Variants in EVA1C observed in about 807,000 individuals in gnomAD.
EVA1C encodes the protein eva-1 homolog C, also known as protein eva-1 homolog C.
In EVA1C, 25 loss-of-function variants were observed where a neutral mutation model predicts 45.4. The observed-to-expected ratio is 0.55, with a 90% CI of 0.40 to 0.77. The LOEUF (loss-of-function observed/expected upper bound fraction) is 0.77. Ranked by LOEUF, EVA1C falls within the 30% of genes least tolerant of loss-of-function variation. The pLI is 0.00. For synonymous variants in EVA1C, 190 were observed against 221.2 expected (o/e 0.86, Z 1.25); for missense variants, 479 against 554.8 (o/e 0.86, Z 1.37).
At chr21:32,460,749 G>T (rs547041370) in intron 3 of EVA1C, among the ~76,000 whole-genome samples, 1 of 119,898 alleles carries the variant, frequency 8.3e-6, no homozygotes, top group Non-Finnish European at 1.7e-5. Flanking sequence ...GCAGCTCACA[G>T]AAGAATCTTT....
At chr21:32,448,681 G>A (rs1446726122) in intron 1 of EVA1C, among the ~76,000 whole-genome samples, 5 of 152,068 alleles carry the variant, frequency 3.3e-5, no homozygotes, top group African/African-American at 1.2e-4. Context: ...GGCTGAGGCG[G>A]GCAGATCACG....
chr21:32,486,477 C>T (rs1467873613), intron 4 of EVA1C, among the ~76,000 whole-genome samples: 1 of 152,104 alleles, frequency 6.6e-6, no homozygotes, highest in Non-Finnish European at 1.5e-5. Context: ...AAGTTTTTAC[C>T]AGGTATTACT....
Position 32,515,139 on chromosome 21 carries a change from G to C in EVA1C, c.1275G>C (p.Met425Ile). 1 of 1,612,878 alleles carries C rather than the reference G, an allele frequency of 6.2e-7. No individual in the cohort carries two copies. Among genetic ancestry groups the C allele is most frequent in the Non-Finnish European group, 8.5e-7 (1 of 1,179,172 alleles). ...AGCAAATCATTCAGGAAATATGGAT[G>C]AACAGTGGTTTGGACACCTCGCTCC... ...RREQIIQEIW[M>I]NSGLDTSLPR... is the part of the protein sequence containing the mutation. The change falls in exon 8 of 8, where the codon ATG becomes ATC. Residue 425 changes from methionine to isoleucine, a missense_variant. This residue lies in a region of EVA1C where 366 missense variants were observed against 426.1 expected (regional missense o/e 0.86). Transcript: ENST00000300255.
chr21:32,418,867 A>G (rs982592397), intron 1 of EVA1C, among the ~76,000 whole-genome samples: 1 of 152,200 alleles, frequency 6.6e-6, no homozygotes, highest in Non-Finnish European at 1.5e-5. Flanking sequence ...TCCCATCAGC[A>G]TCATTTCATC....
At chr21:32,467,933 C>A in intron 4 of EVA1C, 85 bp downstream of exon 4, 2 of 876,710 alleles carry the variant, frequency 2.3e-6, no homozygotes, top group Non-Finnish European at 1.5e-6. Context: ...CTATATATAT[C>A]CTATATGATT....
rs187691448 is a variant in EVA1C at position 32,463,871 on chromosome 21, T to C, written c.482-3825T>C. 6.3e-3 allele frequency among the ~76,000 whole-genome samples: 963 copies of C among 152,342 alleles called. 16 individuals carry two copies. The highest frequency in any genetic ancestry group is 0.036 in the Admixed American group (546 of 15,302). On this transcript the variant is annotated intron_variant, in intron 3 of 7. Transcript: ENST00000300255. The stretch of plus-strand genomic sequence containing the variant: ...TTGTCCTGCCTTCTCCCATCCTCTT[T>C]CTGTGCCAGCTCTGCCATGGGAAGG...
intron 1 of EVA1C, among the ~76,000 whole-genome samples, chr21:32,431,123 C>T (rs967227420): frequency 6.6e-6 from 1 of 152,214 alleles, no homozygotes; most frequent in Non-Finnish European, 1.5e-5. Context: ...GGTGGGGACA[C>T]AGCCACACCA....
At chr21:32,513,712 A>G (rs1419488009) in intron 7 of EVA1C, among the ~76,000 whole-genome samples, 1 of 151,018 alleles carries the variant, frequency 6.6e-6, no homozygotes, top group African/African-American at 2.4e-5. Flanking sequence ...ATATTTTGGT[A>G]TTTTTTTAAA....
chr21:32,413,454 G>A (rs536693074), intron 1 of EVA1C, among the ~76,000 whole-genome samples: 17 of 152,226 alleles, frequency 1.1e-4, no homozygotes, highest in Non-Finnish European at 2.5e-4. Flanking sequence ...TTGACCTCGA[G>A]TCCACATTGG....
intron 3 of EVA1C, among the ~76,000 whole-genome samples, chr21:32,460,756 C>CTTTTTTTTTTTTT (rs3056330): frequency 6.7e-6 from 1 of 149,768 alleles, no homozygotes; most frequent in Non-Finnish European, 1.5e-5. Context: ...ACAGAAGAAT[C>CTTTTTTTTTTTTT]TTTTTTTTGG....
intron 1 of EVA1C, among the ~76,000 whole-genome samples, chr21:32,438,354 G>T (rs2146195524): frequency 6.6e-6 from 1 of 152,030 alleles, no homozygotes; most frequent in East Asian, 1.9e-4. Flanking sequence ...AAAATTAGCT[G>T]GGTGTGGTGG....
intron 1 of EVA1C, among the ~76,000 whole-genome samples, chr21:32,449,983 GTCT>G (rs2035519783): frequency 6.6e-6 from 1 of 152,202 alleles, no homozygotes; most frequent in Non-Finnish European, 1.5e-5. Flanking sequence ...CTGCTGACGT[GTCT>G]TCTTTGTACT....
intron 7 of EVA1C, among the ~76,000 whole-genome samples, chr21:32,510,354 C>T (rs1207651031): frequency 5.3e-5 from 8 of 152,048 alleles, no homozygotes; most frequent in Admixed American, 2.0e-4. Context: ...CACTCCCGGC[C>T]GATTTCCGCC....
intron 7 of EVA1C, among the ~76,000 whole-genome samples, chr21:32,507,843 GTC>G (rs1215626481): frequency 7.3e-5 from 11 of 151,646 alleles, no homozygotes; most frequent in African/African-American, 2.4e-4. Context: ...GTGTGCATGT[GTC>G]TGTATGCTTG....
intron 2 of EVA1C, among the ~76,000 whole-genome samples, chr21:32,455,305 AAAAAAAC>A (rs897671280): frequency 1.3e-4 from 19 of 151,870 alleles, no homozygotes; most frequent in Non-Finnish European, 2.6e-4. Flanking sequence ...CTACTCCTGA[AAAAAAAC>A]AAAAAACAAA....
intron 1 of EVA1C, among the ~76,000 whole-genome samples, chr21:32,450,221 G>C (rs1405306061): frequency 6.6e-6 from 1 of 152,128 alleles, no homozygotes; most frequent in African/African-American, 2.4e-5. Flanking sequence ...CTGTTTAGCG[G>C]GGATAGACTA....
chr21:32,489,505 T>TTGTA (rs2037084392), intron 4 of EVA1C, among the ~76,000 whole-genome samples: 1 of 152,234 alleles, frequency 6.6e-6, no homozygotes, highest in Admixed American at 6.5e-5. Context: ...ACTATAGCTT[T>TTGTA]GTAGTAGATT....
At chr21:32,466,229 G>A (rs1287753226) in intron 3 of EVA1C, among the ~76,000 whole-genome samples, 1 of 152,052 alleles carries the variant, frequency 6.6e-6, no homozygotes, top group Admixed American at 6.6e-5. Context: ...GACCATCCTG[G>A]CTAACACGGT....
intron 1 of EVA1C, among the ~76,000 whole-genome samples, chr21:32,417,233 C>T (rs553293502): frequency 1.3e-5 from 2 of 152,352 alleles, no homozygotes; most frequent in Admixed American, 1.3e-4. Flanking sequence ...TAACAGTGTA[C>T]TACAGACTGG....
Sources: gnomAD v4.1 joint callset for allele counts (sites outside exome capture counted in the v4.1 genomes callset) on GRCh38, gnomAD v4.1.1 for gene constraint, gnomAD v4.1.1 regional missense constraint, MANE v1.5 for transcripts, NCBI Gene and HGNC (gene_info 2026-07-23, HGNC 2026-07-21) for gene names.